The following PDE7B variants were observed in gnomAD, a reference collection of about 807,000 sequenced individuals.
The protein encoded by PDE7B is phosphodiesterase 7B.
Under a neutral mutation model 56.2 loss-of-function variants are expected in PDE7B, and 29 were observed. The observed-to-expected ratio is 0.52, with a 90% confidence interval of 0.38 to 0.70. The LOEUF (loss-of-function observed/expected upper bound fraction) is 0.70, where lower values mean the gene tolerates loss of function less well. PDE7B is among the 30% of genes least tolerant of loss of function. PDE7B has a pLI of 0.00. For synonymous variants in PDE7B, 197 were observed against 196.9 expected (o/e 1.00, Z 0.00); for missense variants, 490 against 565.0 (o/e 0.87, Z 1.35).
chr6:136,177,760 AT>A (rs1244544619), intron 9 of PDE7B, among the ~76,000 whole-genome samples: 1 of 152,212 alleles, frequency 6.6e-6, no homozygotes, highest in Non-Finnish European at 1.5e-5. Flanking sequence ...CAATTATTGC[AT>A]TCCCAAATAT....
intron 1 of PDE7B, among the ~76,000 whole-genome samples, chr6:135,926,898 C>T (rs867161199): frequency 1.1e-4 from 16 of 152,178 alleles, no homozygotes; most frequent in African/African-American, 2.9e-4. Flanking sequence ...ATAAAGATTC[C>T]GCATAATCTT....
chr6:135,958,880 A>G (rs1774847829), intron 2 of PDE7B, among the ~76,000 whole-genome samples: 1 of 152,174 alleles, frequency 6.6e-6, no homozygotes, highest in African/African-American at 2.4e-5. Context: ...CATGAACGCT[A>G]TCAAGCTTAC....
Position 135,861,291 on chromosome 6 carries a change from A to G in PDE7B, c.21+9272A>G, listed in dbSNP as rs1419982465. On this transcript the variant is annotated intron_variant, in intron 1 of 12. Transcript: ENST00000308191. ...AATGTTTATATCCAAATTTAGTAAA[A>G]AATTCAAAATTGCTCAAAGTGGTTA... 2.6e-5 allele frequency among the ~76,000 whole-genome samples: 4 copies of G among 151,806 alleles called. No homozygotes were observed. In the East Asian group the frequency reaches 7.7e-4, roughly 29 times the overall value.
Position 136,179,084 on chromosome 6 carries a change from C to T in PDE7B, c.891C>T (p.His297=), listed in dbSNP as rs181696198. 9 of 1,614,002 alleles carry T rather than the reference C, an allele frequency of 5.6e-6. No homozygotes were observed. In the East Asian group the frequency reaches 1.6e-4, roughly 28 times the overall value. ...QNEFLTRLKA[H]LHNKDLRLED... is the part of the protein sequence containing the mutation. Reference sequence around the variant, plus strand: ...AATTTTTGACCAGATTGAAAGCTCACCTCCACAATAAAGACTTAAGACTGG... The same window carrying T: ...AATTTTTGACCAGATTGAAAGCTCATCTCCACAATAAAGACTTAAGACTGG... Residue 297 remains histidine (H), a synonymous_variant, in exon 10 of 13, where the codon CAC becomes CAT. Coordinates refer to ENST00000308191, the MANE Select transcript of PDE7B (RefSeq NM_018945.4).
chr6:136,053,604 T>G (rs1390153831), intron 2 of PDE7B, among the ~76,000 whole-genome samples: 2 of 152,182 alleles, frequency 1.3e-5, no homozygotes, highest in Non-Finnish European at 2.9e-5. Flanking sequence ...AAATGGTAAT[T>G]CTAGTTCTAG....
chr6:136,187,031 C>T lies in PDE7B; in HGVS notation c.1046-5C>T. ...GTGTTTTTTTCTTTCTTTCTTTCTT[C>T]TTAGGTGAACTTGAACAGAAATTTG... On this transcript the variant is annotated splice_region_variant and splice_polypyrimidine_tract_variant and intron_variant, in intron 11 of 12. Transcript: ENST00000308191. 1 of 1,477,604 alleles carries T rather than the reference C, an allele frequency of 6.8e-7. No individual in the cohort carries two copies. The highest frequency in any genetic ancestry group is 9.4e-7 in the Non-Finnish European group (1 of 1,059,922). 91.5% of individuals were successfully genotyped at this position (1,477,604 alleles called of 1,614,324 possible). A position where few individuals can be genotyped will look rare whatever the true frequency, so the allele number is the denominator to read the frequency against.
chr6:135,901,118 G>A (rs986087455), intron 1 of PDE7B, among the ~76,000 whole-genome samples: 1 of 152,128 alleles, frequency 6.6e-6, no homozygotes, highest in Non-Finnish European at 1.5e-5. Flanking sequence ...TGAGCTGGCT[G>A]GCCACAGAGG....
At chr6:135,937,346 C>T (rs923985307) in intron 1 of PDE7B, among the ~76,000 whole-genome samples, 3 of 152,166 alleles carry the variant, frequency 2.0e-5, no homozygotes, top group African/African-American at 7.2e-5. Context: ...CCTGCAGGGC[C>T]CTTCCTGATC....
intron 2 of PDE7B, among the ~76,000 whole-genome samples, chr6:135,983,418 A>G (rs1309419080): frequency 6.6e-6 from 1 of 152,214 alleles, no homozygotes; most frequent in African/African-American, 2.4e-5. Flanking sequence ...ATATCAGTTG[A>G]GTATTTTCAT....
intron 1 of PDE7B, among the ~76,000 whole-genome samples, chr6:135,885,905 T>C (rs190450758): frequency 2.2e-4 from 33 of 152,268 alleles, no homozygotes; most frequent in African/African-American, 7.7e-4. Context: ...TCCTGTTAAT[T>C]CACAGGCATG....
chr6:135,911,658 T>C (rs550377739), intron 1 of PDE7B, among the ~76,000 whole-genome samples: 1 of 152,262 alleles, frequency 6.6e-6, no homozygotes, highest in South Asian at 2.1e-4. Context: ...ATGGTCTAAT[T>C]ATTAGGGGCC....
chr6:135,874,668 A>G (rs77231575), intron 1 of PDE7B, among the ~76,000 whole-genome samples: 1,766 of 152,326 alleles, frequency 0.012, 71 homozygotes, highest in East Asian at 0.083. Flanking sequence ...ATTTTAAAAA[A>G]TCCATGTAGA....
At chr6:136,169,057 C>T (rs1271218789) in intron 8 of PDE7B, among the ~76,000 whole-genome samples, 1 of 152,104 alleles carries the variant, frequency 6.6e-6, no homozygotes, top group Non-Finnish European at 1.5e-5. Flanking sequence ...TAAGTGAGGC[C>T]TTCCTCAGCT....
At chr6:135,861,508 T>C (rs1775145594) in intron 1 of PDE7B, among the ~76,000 whole-genome samples, 1 of 149,290 alleles carries the variant, frequency 6.7e-6, no homozygotes, top group South Asian at 2.1e-4. Flanking sequence ...TAGGATATTA[T>C]ATATACTTAT....
chr6:135,961,250 T>C (rs1774892936), intron 2 of PDE7B, among the ~76,000 whole-genome samples: 1 of 147,128 alleles, frequency 6.8e-6, no homozygotes, highest in African/African-American at 2.5e-5. Flanking sequence ...GGTCATAGAG[T>C]GTATATGTGT....
chr6:136,168,880 T>G (rs1338866270), intron 8 of PDE7B, among the ~76,000 whole-genome samples: 1 of 152,060 alleles, frequency 6.6e-6, no homozygotes, highest in Non-Finnish European at 1.5e-5. Context: ...TCAACCTTAG[T>G]TTTTTTTGAG....
At chr6:135,947,402 A>G (rs543817163) in intron 1 of PDE7B, 62 bp from the exon 2 acceptor site, 2 of 1,240,856 alleles carry the variant, frequency 1.6e-6, no homozygotes, top group Admixed American at 3.4e-5. Context: ...TCACATGGAT[A>G]TATTGTCTTG....
chr6:135,977,216 G>C (rs746364109), intron 2 of PDE7B, among the ~76,000 whole-genome samples: 38 of 152,064 alleles, frequency 2.5e-4, no homozygotes, highest in Non-Finnish European at 3.1e-4. Context: ...AGATGGGCAG[G>C]GGCTTCTGAG....
chr6:136,184,741 T>C (rs1260341497), intron 11 of PDE7B, among the ~76,000 whole-genome samples: 1 of 152,130 alleles, frequency 6.6e-6, no homozygotes, highest in Non-Finnish European at 1.5e-5. Flanking sequence ...TAGGGCAATA[T>C]ATACAGTTGA....
Sources: gnomAD v4.1 joint callset for allele counts (sites outside exome capture counted in the v4.1 genomes callset) on GRCh38, gnomAD v4.1.1 for gene constraint, MANE v1.5 for transcripts, NCBI Gene and HGNC (gene_info 2026-07-23, HGNC 2026-07-21) for gene names.